FHL1: variants seen among roughly 807,000 people sequenced by gnomAD.
FHL1 encodes four and a half LIM domains protein 1.
Under a neutral mutation model 20.3 loss-of-function variants are expected in FHL1, and 1 was observed. The observed-to-expected ratio is 0.05, with a 90% CI of 0.02 to 0.23. The LOEUF (loss-of-function observed/expected upper bound fraction) is 0.23, where lower values mean the gene tolerates loss of function less well. Among genes scored for constraint, FHL1 ranks in the 10% least tolerant of loss-of-function variants. FHL1 has a pLI of 1.00. For missense variants in FHL1, 177 were observed against 234.0 expected (o/e 0.76, Z 1.59); for synonymous variants, 82 against 88.9 (o/e 0.92, Z 0.44).
chrX:136,152,038 A>G (rs1019596466), intron 1 of FHL1, among the ~76,000 whole-genome samples: 7 of 112,206 alleles, frequency 6.2e-5, no homozygotes, highest in African/African-American at 1.6e-4. Flanking sequence ...GAAAATTACT[A>G]TATGTCCTAT....
intron 1 of FHL1, 59 bp from the exon 2 acceptor site, chrX:136,206,348 C>G: frequency 8.3e-7 from 1 of 1,198,640 alleles, no homozygotes; most frequent in Non-Finnish European, 1.1e-6. Context: ...CTGGGAGCCA[C>G]TGCTCAGGGT....
chrX:136,193,665 G>A (rs1412935927), upstream of FHL1, among the ~76,000 whole-genome samples: 1 of 110,658 alleles, frequency 9.0e-6, no homozygotes, highest in African/African-American at 3.3e-5. Flanking sequence ...TTCAGTTCTT[G>A]TAGCCCTGTC....
intron 2 of FHL1, among the ~76,000 whole-genome samples, chrX:136,175,142 T>C (rs189000478): frequency 8.9e-6 from 1 of 112,193 alleles, no homozygotes; most frequent in African/African-American, 3.2e-5. Context: ...GCTTCCTAAC[T>C]GTTGGCTGAA....
chrX:136,163,355 G>C (rs2072626214), intron 1 of FHL1, among the ~76,000 whole-genome samples: 1 of 112,340 alleles, frequency 8.9e-6, no homozygotes. Context: ...CCAGAGGCTT[G>C]AATTTCACTC....
At chrX:136,159,714 A>T (rs1415623909) in intron 1 of FHL1, among the ~76,000 whole-genome samples, 1 of 112,123 alleles carries the variant, frequency 8.9e-6, no homozygotes, top group Non-Finnish European at 1.9e-5. Context: ...CTAGTTGCAC[A>T]ATAGTCAGTA....
chrX:136,169,956 C>T (rs764650761), exon 2 of FHL1: 3 of 329,246 alleles, frequency 9.1e-6, no homozygotes, highest in Non-Finnish European at 1.2e-5. Flanking sequence ...CGAATACATC[C>T]TATCTGCCAC....
At chrX:136,152,705 G>C (rs1347067804) in intron 1 of FHL1, among the ~76,000 whole-genome samples, 2 of 81,433 alleles carry the variant, frequency 2.5e-5, no homozygotes, top group African/African-American at 9.4e-5. Context: ...GGGCGACAGA[G>C]CTAGACTCCA....
upstream of FHL1, among the ~76,000 whole-genome samples, chrX:136,166,183 G>A (rs1053082600): frequency 8.9e-6 from 1 of 111,942 alleles, no homozygotes; most frequent in Non-Finnish European, 1.9e-5. Context: ...CCCAGCTCAT[G>A]TTAAGTGGGA....
chrX:136,147,055 G>C, upstream of FHL1: 1 of 268,888 alleles, frequency 3.7e-6, no homozygotes, highest in East Asian at 1.0e-4. Flanking sequence ...CCCTCACTTG[G>C]CTGTCTTTGT....
chrX:136,189,258 A>G (rs769240367), intron 2 of FHL1, among the ~76,000 whole-genome samples: 6 of 111,748 alleles, frequency 5.4e-5, no homozygotes, highest in Non-Finnish European at 1.1e-4. Flanking sequence ...TAGAGGATCA[A>G]TAGAGCAGAG....
At position 136,149,179 on chromosome X, in the gene FHL1, A is replaced by G. The variant is rs775790994; in HGVS notation, c.-101+1551A>G. ...CAAATGTGAACATTTGCAGAATAGC[A>G]CAAGTTTAAATTATGGGCCCCCCTG... On this transcript the variant is annotated intron_variant, in intron 1 of 7. Coordinates refer to the FHL1 transcript ENST00000394155. 9.8e-5 allele frequency among the ~76,000 whole-genome samples: 11 copies of G among 112,336 alleles called. No homozygotes were observed. In the East Asian group the frequency reaches 2.8e-3, roughly 28 times the overall value.
upstream of FHL1, among the ~76,000 whole-genome samples, chrX:136,195,204 C>T (rs2073527133): frequency 8.9e-6 from 1 of 112,523 alleles, no homozygotes; most frequent in African/African-American, 3.2e-5. Context: ...TAAAAGAAGA[C>T]ACTTCCTGAT....
At chrX:136,208,042 T>C in intron 4 of FHL1, 81 bp downstream of exon 4, 1 of 1,030,416 alleles carries the variant, frequency 9.7e-7, no homozygotes, top group Middle Eastern at 2.6e-4. Context: ...ACACACACTA[T>C]CCCATTCCAT....
At chrX:136,151,585 C>T (rs143346562) in intron 1 of FHL1, among the ~76,000 whole-genome samples, 1,573 of 111,813 alleles carry the variant, frequency 0.014, 88 homozygotes, top group Admixed American at 0.13. Context: ...TGGTGGTGTG[C>T]GCCTGTAGTC....
intron 2 of FHL1, among the ~76,000 whole-genome samples, chrX:136,175,241 A>T (rs140163950): frequency 8.9e-6 from 1 of 112,595 alleles, no homozygotes; most frequent in Non-Finnish European, 1.9e-5. Flanking sequence ...CCTCACTGGT[A>T]TGCAAAGATA....
At chrX:136,154,838 C>T (rs766435885) in intron 1 of FHL1, among the ~76,000 whole-genome samples, 19 of 111,102 alleles carry the variant, frequency 1.7e-4, no homozygotes, top group Non-Finnish European at 2.5e-4. Flanking sequence ...TCCCTACTAG[C>T]TGGGATTACA....
upstream of FHL1, among the ~76,000 whole-genome samples, chrX:136,166,400 G>T (rs1048586932): frequency 3.6e-5 from 4 of 111,628 alleles, no homozygotes; most frequent in African/African-American, 1.3e-4. Flanking sequence ...CCTCTGGAGG[G>T]TGTCAGAGAA....
At chrX:136,154,710 CT>C (rs1323465424) in intron 1 of FHL1, among the ~76,000 whole-genome samples, 192 of 102,807 alleles carry the variant, frequency 1.9e-3, no homozygotes, top group Middle Eastern at 5.0e-3. Flanking sequence ...AATCTGGCAT[CT>C]TTTTTTTTTT....
intron 2 of FHL1, among the ~76,000 whole-genome samples, chrX:136,187,688 T>G (rs2073341517): frequency 9.1e-6 from 1 of 109,943 alleles, no homozygotes; most frequent in Non-Finnish European, 1.9e-5. Context: ...AGGTTAGTGG[T>G]TCCCACGGGG....
Sources: gnomAD v4.1 joint callset for allele counts (sites outside exome capture counted in the v4.1 genomes callset) on GRCh38, gnomAD v4.1.1 for gene constraint, MANE v1.5 for transcripts, NCBI Gene and HGNC (gene_info 2026-07-23, HGNC 2026-07-21) for gene names.